Variants in TRAM1 observed in about 807,000 individuals in gnomAD.
TRAM1 encodes translocation associated membrane protein 1.
TRAM1 carries 17 observed loss-of-function variants against 48.7 expected under a neutral mutation model. The ratio of observed to expected loss-of-function variants is 0.35; its 90% CI spans 0.24 to 0.52. The LOEUF (loss-of-function observed/expected upper bound fraction) is 0.52, where lower values mean the gene tolerates loss of function less well. Ranked by LOEUF, TRAM1 falls within the 20% of genes least tolerant of loss-of-function variation. The pLI is 0.94. For synonymous variants in TRAM1, 182 were observed against 154.0 expected (o/e 1.18, Z -1.34); for missense variants, 351 against 441.5 (o/e 0.79, Z 1.84).
intron 6 of TRAM1, among the ~76,000 whole-genome samples, chr8:70,592,844 G>A (rs1263662698): frequency 6.6e-6 from 1 of 152,172 alleles, no homozygotes; most frequent in African/African-American, 2.4e-5. Flanking sequence ...GTTCAAAATG[G>A]TACATACTAG....
rs762992369 is a variant in TRAM1, at chr8:70,600,032, G to A, written c.174C>T (p.Thr58=). ...TAAATTACCTACCTGTTGCTGGGAG[G>A]GTGACATTGTACTGAAGAGTAACAA... ...IIFVTLQYNV[T]LPATEEQATE... is the part of the protein sequence containing the mutation. The change falls in exon 2 of 11, where the codon ACC becomes ACT. Residue 58 remains threonine, a synonymous_variant. Transcript: ENST00000262213. 1.5e-5 allele frequency: 25 copies of A among 1,613,430 alleles called. No individual in the cohort carries two copies. The highest frequency in any genetic ancestry group is 3.3e-5 in the Admixed American group (2 of 59,940).
rs779541291 is a variant in TRAM1, at chr8:70,573,614, C to G, written c.*1318G>C. The G allele has an allele frequency of 2.6e-5, 4 of 152,596 alleles. No individual in the cohort carries two copies. The highest frequency in any genetic ancestry group is 5.9e-5 in the Non-Finnish European group (4 of 68,040). The allele number at this position is 152,596 out of a possible 1,614,324, so 9.5% of individuals were successfully genotyped here. A position where few individuals can be genotyped will look rare whatever the true frequency, so the allele number is the denominator to read the frequency against. ...AGAAAGAAAAAGGACAATTTCCTAG[C>G]AGCATGGCAACTTAAACTGCAGATC... On this transcript the variant is annotated 3_prime_UTR_variant, in exon 11 of 11. Transcript: ENST00000262213.
chr8:70,590,486 T>C (rs1446947176), intron 6 of TRAM1, among the ~76,000 whole-genome samples: 2 of 152,210 alleles, frequency 1.3e-5, no homozygotes, highest in Non-Finnish European at 2.9e-5. Flanking sequence ...CTTAGCCCCA[T>C]ACCTCCTTTT....
In TRAM1 at chr8:70,608,399, C is replaced by G. The variant is rs1185262703; in HGVS notation, c.-200G>C. 1 of 480,858 alleles carries G rather than the reference C, an allele frequency of 2.1e-6. No homozygotes were observed. Among genetic ancestry groups the G allele is most frequent in the East Asian group, 4.3e-5 (1 of 23,064 alleles). The allele number at this position is 480,858 out of a possible 1,614,324, so 29.8% of individuals were successfully genotyped here. On this transcript the variant is annotated 5_prime_UTR_variant, in exon 1 of 11. Transcript: ENST00000262213. ...AAAAAAAAAAACACAACAGCTAGCC[C>G]GCAGCGGGGGCGAGCATGCGCACCA...
intron 10 of TRAM1, 94 bp from the exon 11 acceptor site, chr8:70,575,099 A>C: frequency 2.2e-6 from 2 of 896,396 alleles, no homozygotes; most frequent in Non-Finnish European, 3.3e-6. Flanking sequence ...AAGAAAATGT[A>C]AAATCCAATT....
chr8:70,575,110 C>A, intron 10 of TRAM1, 105 bp from the exon 11 acceptor site: 2 of 795,422 alleles, frequency 2.5e-6, no homozygotes, highest in South Asian at 2.0e-5. Context: ...AAATCCAATT[C>A]ACTCAGGTGA....
intron 5 of TRAM1, among the ~76,000 whole-genome samples, chr8:70,595,038 G>GT (rs11464494): frequency 0.77 from 112,989 of 145,986 alleles, 44,272 homozygotes; most frequent in Middle Eastern, 0.89. Context: ...AATATCCTCT[G>GT]TTTTTTTTTT....
At chr8:70,575,688 C>A (rs562511100) in intron 10 of TRAM1, among the ~76,000 whole-genome samples, 2 of 152,098 alleles carry the variant, frequency 1.3e-5, no homozygotes, top group Non-Finnish European at 2.9e-5. Context: ...ATGTTTGAGG[C>A]GGGGGCAATG....
intron 10 of TRAM1, among the ~76,000 whole-genome samples, chr8:70,582,519 GAA>G (rs75737537): frequency 7.1e-5 from 7 of 98,956 alleles, no homozygotes; most frequent in Non-Finnish European, 1.1e-4. Context: ...GGACAAACTT[GAA>G]AAAAAAAAAA....
In TRAM1 at chr8:70,608,373, GAAA is replaced by G; in HGVS notation, c.-177_-175del. ...TACGCAGCCGCCGGGCCGCCCGGGG[GAAA>G]AAAAAAAACACAACAGCTAGCCCGC... On this transcript the variant is annotated 5_prime_UTR_variant, in exon 1 of 11. Coordinates refer to ENST00000262213, the MANE Select transcript of TRAM1 (RefSeq NM_014294.6). The G allele has an allele frequency of 2.7e-6, 1 of 374,218 alleles. No homozygotes were observed. Among genetic ancestry groups the G allele is most frequent in the East Asian group, 5.6e-5 (1 of 17,916 alleles). 23.2% of individuals were successfully genotyped at this position (374,218 alleles called of 1,614,324 possible).
At chr8:70,604,040 A>G (rs1171120999) in intron 1 of TRAM1, among the ~76,000 whole-genome samples, 1 of 152,224 alleles carries the variant, frequency 6.6e-6, no homozygotes, top group African/African-American at 2.4e-5. Flanking sequence ...AGTTTAGAAT[A>G]TAAATAGGCT....
intron 10 of TRAM1, among the ~76,000 whole-genome samples, chr8:70,582,574 T>C (rs2132027025): frequency 6.6e-6 from 1 of 150,902 alleles, no homozygotes; most frequent in Admixed American, 6.6e-5. Context: ...TATTAATACT[T>C]ACAAAGGAGT....
chr8:70,604,534 C>T (rs941068845), intron 1 of TRAM1, among the ~76,000 whole-genome samples: 2 of 151,976 alleles, frequency 1.3e-5, no homozygotes, highest in Admixed American at 1.3e-4. Flanking sequence ...AAAGAGAGAC[C>T]CTTTTGTAGT....
intron 2 of TRAM1, among the ~76,000 whole-genome samples, chr8:70,599,744 G>GA (rs571444546): frequency 7.2e-4 from 109 of 152,126 alleles, no homozygotes; most frequent in Admixed American, 1.2e-3. Flanking sequence ...ATTTTCTTAG[G>GA]AAAAAATCAG....
chr8:70,584,637 T>C (rs1030473693), intron 8 of TRAM1, among the ~76,000 whole-genome samples: 15 of 152,002 alleles, frequency 9.9e-5, no homozygotes, highest in African/African-American at 3.6e-4. Context: ...TATACACCAA[T>C]AACAGACAGA....
At chr8:70,591,477 G>T (rs565790014) in intron 6 of TRAM1, among the ~76,000 whole-genome samples, 14 of 152,240 alleles carry the variant, frequency 9.2e-5, no homozygotes, top group East Asian at 1.9e-4. Flanking sequence ...CATGGGTTGT[G>T]GGGGAAGGGA....
rs749073960 is a variant in TRAM1, at chr8:70,596,304, G to T, written c.444C>A (p.Asp148Glu). The T allele has an allele frequency of 6.3e-7, 1 of 1,598,750 alleles. No homozygotes were observed. Among genetic ancestry groups the T allele is most frequent in the Non-Finnish European group, 8.5e-7 (1 of 1,174,156 alleles). Residue 148 changes from aspartate to glutamate, a missense_variant, in exon 5 of 11, where the codon GAC becomes GAA. Physicochemically the swap from Asp to Glu is conservative, Grantham distance 45. Coordinates refer to ENST00000262213, the MANE Select transcript of TRAM1 (RefSeq NM_014294.6). The stretch of plus-strand genomic sequence containing the variant: ...GATAAGCCCTCCATAAGATAGTTGG[G>T]TCTGAGATGTAGTTTTCCTAAGAAA... Reference protein sequence around the residue: ...FILISENYISDPTILWRAYPH... With the variant: ...FILISENYISEPTILWRAYPH...
intron 1 of TRAM1, chr8:70,607,589 T>C: frequency 1.2e-5 from 8 of 679,580 alleles, no homozygotes; most frequent in Non-Finnish European, 1.5e-5. Context: ...AGGCCGGCAC[T>C]CCTCAGACCC....
chr8:70,580,335 G>A (rs1430011854), intron 10 of TRAM1, among the ~76,000 whole-genome samples: 1 of 152,066 alleles, frequency 6.6e-6, no homozygotes, highest in Non-Finnish European at 1.5e-5. Flanking sequence ...TCCATCAAGA[G>A]ATAAAAAGGA....
Sources: allele counts gnomAD v4.1 joint callset (sites outside exome capture counted in the v4.1 genomes callset), GRCh38; gene constraint gnomAD v4.1.1; transcripts MANE v1.5; gene names NCBI Gene and HGNC (gene_info 2026-07-23, HGNC 2026-07-21).